Variants in SHROOM2 observed in about 807,000 individuals in gnomAD.
SHROOM2 encodes the protein shroom family member 2.
In SHROOM2, 33 loss-of-function variants were observed where a neutral mutation model predicts 75.9. That is an observed-to-expected ratio of 0.43 (90% CI 0.33 to 0.58). The LOEUF (loss-of-function observed/expected upper bound fraction) is 0.58. SHROOM2 is among the 20% of genes least tolerant of loss of function. The probability of loss-of-function intolerance (pLI) is 0.04; values close to 1 mark genes in which losing one functional copy is unlikely to be tolerated. For missense variants in SHROOM2, 1,434 were observed against 1,461.2 expected (o/e 0.98, Z 0.30); for synonymous variants, 655 against 663.6 (o/e 0.99, Z 0.20).
At chrX:9,882,272 C>T (rs1278029081) in intron 2 of SHROOM2, among the ~76,000 whole-genome samples, 5 of 97,960 alleles carry the variant, frequency 5.1e-5, no homozygotes, top group East Asian at 6.7e-4. Context: ...TTCTTATATC[C>T]GTGGTGTTCA....
At chrX:9,868,632 C>T (rs142826692) in intron 1 of SHROOM2, among the ~76,000 whole-genome samples, 4,471 of 109,337 alleles carry the variant, frequency 0.041, 226 homozygotes, top group African/African-American at 0.14. Flanking sequence ...CGGCCTCAAC[C>T]CTCTGGGCTC....
intron 2 of SHROOM2, among the ~76,000 whole-genome samples, chrX:9,888,763 G>A (rs975659396): frequency 1.3e-4 from 15 of 111,900 alleles, no homozygotes; most frequent in African/African-American, 4.9e-4. Flanking sequence ...CATACTTTGT[G>A]AGAACAAAAT....
At chrX:9,813,778 A>G (rs2083804367) in intron 1 of SHROOM2, among the ~76,000 whole-genome samples, 1 of 112,017 alleles carries the variant, frequency 8.9e-6, no homozygotes, top group South Asian at 3.8e-4. Flanking sequence ...TAGGAACACC[A>G]TGATTAATTA....
At chrX:9,836,871 C>T (rs928735556) in intron 1 of SHROOM2, among the ~76,000 whole-genome samples, 2 of 112,192 alleles carry the variant, frequency 1.8e-5, no homozygotes, top group African/African-American at 6.5e-5. Flanking sequence ...TTTAAGCCAT[C>T]CCTTCTGGTT....
intron 1 of SHROOM2, among the ~76,000 whole-genome samples, chrX:9,850,399 G>A (rs774123196): frequency 5.2e-4 from 58 of 112,049 alleles, no homozygotes; most frequent in African/African-American, 1.8e-3. Context: ...CCAAAAAGTC[G>A]CTTCAGGTTA....
At chrX:9,885,256 G>C (rs1384790175) in intron 2 of SHROOM2, among the ~76,000 whole-genome samples, 2 of 110,340 alleles carry the variant, frequency 1.8e-5, no homozygotes, top group Non-Finnish European at 3.8e-5. Flanking sequence ...GGCTTGTGCA[G>C]GAGGAAACAC....
intron 1 of SHROOM2, among the ~76,000 whole-genome samples, chrX:9,871,914 G>A (rs1281170436): frequency 8.9e-6 from 1 of 112,381 alleles, no homozygotes; most frequent in Admixed American, 9.4e-5. Context: ...CAGCTGGCTA[G>A]CAGTGGATTC....
rs960478534 is a variant in SHROOM2, at chrX:9,786,751, TGGCCGCCCTGC to T, written c.165+44_165+54del. On this transcript the variant is annotated intron_variant, in intron 1 of 9. Coordinates refer to ENST00000380913, the MANE Select transcript of SHROOM2 (RefSeq NM_001649.4). The stretch of plus-strand genomic sequence containing the variant: ...GGCGCGGGCGCTGACAGCCGGGAGC[TGGCCGCCCTGC>T]GGGGCGCGTCGAGGTAGGGGCGCGG... 4 of 851,624 alleles carry T rather than the reference TGGCCGCCCTGC, an allele frequency of 4.7e-6. No individual in the cohort carries two copies. In the African/African-American group the frequency reaches 8.7e-5, roughly 19 times the overall value. The allele number at this position is 851,624 out of a possible 1,213,427, so 70.2% of individuals were successfully genotyped here.
intron 1 of SHROOM2, among the ~76,000 whole-genome samples, chrX:9,850,831 C>CAAA (rs757769302): frequency 0.023 from 1,775 of 76,233 alleles, 65 homozygotes; most frequent in East Asian, 0.088. Context: ...GACTCTGTGT[C>CAAA]AAAAAAAAAA....
rs773527380 is a variant in SHROOM2, at chrX:9,937,393, C to A, written c.3847C>A (p.Pro1283Thr). ...PHRAQPAEPQPLGTQVPPEKD... is the reference protein window; with the variant it reads ...PHRAQPAEPQTLGTQVPPEKD... ...TAGGGCCCAGCCGGCTGAGCCCCAG[C>A]CCCTGGGCACCCAGGTGCCCCCCGA... The change falls in exon 7 of 10, where the codon CCC (proline) becomes ACC (threonine). Residue 1283 changes from proline to threonine, a missense_variant. By Grantham distance (38) the Pro-to-Thr change is conservative. Around this residue, in one of 3 missense-constraint regions of SHROOM2, gnomAD observed 1,340 missense variants for 1,338.3 expected, o/e 1.00. Coordinates refer to ENST00000380913, the MANE Select transcript of SHROOM2 (RefSeq NM_001649.4). 6 of 1,204,766 alleles carry A rather than the reference C, an allele frequency of 5.0e-6. No individual in the cohort carries two copies. In the African/African-American group the frequency reaches 8.8e-5, roughly 18 times the overall value.
intron 5 of SHROOM2, among the ~76,000 whole-genome samples, chrX:9,930,631 G>A (rs2084639878): frequency 8.9e-6 from 1 of 112,019 alleles, no homozygotes; most frequent in Non-Finnish European, 1.9e-5. Context: ...CTGTGAGAGC[G>A]CTTCTCAGAA....
At chrX:9,786,814 G>C in intron 1 of SHROOM2, 104 bp downstream of exon 1, 2 of 620,662 alleles carry the variant, frequency 3.2e-6, no homozygotes, top group Non-Finnish European at 4.0e-6. Flanking sequence ...GCGCCCCCGG[G>C]TCTGGCGCGC....
At chrX:9,939,389 A>G in intron 8 of SHROOM2, 23 bp downstream of exon 8, 1 of 1,176,838 alleles carries the variant, frequency 8.5e-7, no homozygotes, top group African/African-American at 1.7e-5. Flanking sequence ...ATTCCAAATG[A>G]CAGCGTGTGC....
chrX:9,795,741 T>C (rs2083691740), intron 1 of SHROOM2, among the ~76,000 whole-genome samples: 1 of 109,957 alleles, frequency 9.1e-6, no homozygotes, highest in East Asian at 2.8e-4. Flanking sequence ...TTTTTTTTTT[T>C]CTGGAGGGGC....
intron 8 of SHROOM2, among the ~76,000 whole-genome samples, chrX:9,941,971 CAAA>C (rs56088322): frequency 1.8e-5 from 1 of 54,447 alleles, no homozygotes. Flanking sequence ...GACTCCGTCT[CAAA>C]AAAAAAAAAA....
At chrX:9,911,277 A>G (rs1601987849) in intron 5 of SHROOM2, among the ~76,000 whole-genome samples, 2 of 111,846 alleles carry the variant, frequency 1.8e-5, no homozygotes, top group African/African-American at 6.5e-5. Flanking sequence ...ATGCAGAGCA[A>G]CCTTGCTCGC....
chrX:9,946,288 C>T (rs756899116), intron 9 of SHROOM2, among the ~76,000 whole-genome samples: 2 of 113,233 alleles, frequency 1.8e-5, no homozygotes, highest in South Asian at 7.2e-4. Flanking sequence ...TCCCATGGAG[C>T]GGACCTTGAC....
chrX:9,877,242 A>G (rs1444837588), intron 2 of SHROOM2, among the ~76,000 whole-genome samples: 3 of 111,603 alleles, frequency 2.7e-5, no homozygotes, highest in Non-Finnish European at 5.7e-5. Flanking sequence ...CAGACAAATG[A>G]GGGCCAGCGC....
intron 5 of SHROOM2, among the ~76,000 whole-genome samples, chrX:9,914,726 C>T (rs1289690944): frequency 8.9e-6 from 1 of 111,958 alleles, no homozygotes; most frequent in Non-Finnish European, 1.9e-5. Flanking sequence ...TATGCGGTTA[C>T]CATCTTGATT....
Sources: allele counts gnomAD v4.1 joint callset (sites outside exome capture counted in the v4.1 genomes callset), GRCh38; gene constraint gnomAD v4.1.1; regional missense constraint gnomAD v4.1.1; transcripts MANE v1.5; gene names NCBI Gene and HGNC (gene_info 2026-07-23, HGNC 2026-07-21).